The following SESN1 variants were observed in gnomAD, a reference collection of about 807,000 sequenced individuals.
SESN1 encodes the protein sestrin-1.
Under a neutral mutation model 59.3 loss-of-function variants are expected in SESN1, and 30 were observed. The ratio of observed to expected loss-of-function variants is 0.51; its 90% CI spans 0.38 to 0.69. The LOEUF is 0.69. Ranked by LOEUF, SESN1 falls within the 30% of genes least tolerant of loss-of-function variation. The pLI is 0.00. For synonymous variants in SESN1, 197 were observed against 219.9 expected (o/e 0.90, Z 0.92); for missense variants, 566 against 673.0 (o/e 0.84, Z 1.76).
chr6:108,993,831 C>T (rs1052559918), intron 6 of SESN1, among the ~76,000 whole-genome samples: 5 of 152,028 alleles, frequency 3.3e-5, no homozygotes, highest in Non-Finnish European at 4.4e-5. Flanking sequence ...CCTTCCACCT[C>T]AGCTTCTTGA....
At chr6:108,997,667 C>T (rs1424497008) in intron 5 of SESN1, among the ~76,000 whole-genome samples, 3 of 151,974 alleles carry the variant, frequency 2.0e-5, no homozygotes, top group East Asian at 1.9e-4. Flanking sequence ...GTAACTTGCC[C>T]GAAGTCAAAT....
intron 2 of SESN1, 133 bp from the exon 3 acceptor site, chr6:109,001,621 T>C (rs1398311076): frequency 1.3e-6 from 1 of 747,602 alleles, no homozygotes; most frequent in Non-Finnish European, 2.2e-6. Context: ...GGTTACAAAT[T>C]TAAACTCAAC....
intron 5 of SESN1, among the ~76,000 whole-genome samples, 195 bp from the exon 6 acceptor site, chr6:108,994,804 G>A (rs537872455): frequency 8.5e-4 from 124 of 146,704 alleles, no homozygotes; most frequent in Middle Eastern, 3.6e-3. Context: ...CCAGGTTCAC[G>A]CCATTCTCCT....
At chr6:109,023,062 A>C (rs1013074217) in intron 1 of SESN1, among the ~76,000 whole-genome samples, 3 of 152,122 alleles carry the variant, frequency 2.0e-5, no homozygotes, top group Non-Finnish European at 4.4e-5. Flanking sequence ...TGACCACCCA[A>C]ATCAGTAGAA....
chr6:109,033,709 T>C (rs1219491011), intron 1 of SESN1, among the ~76,000 whole-genome samples: 1 of 152,168 alleles, frequency 6.6e-6, no homozygotes, highest in Non-Finnish European at 1.5e-5. Flanking sequence ...CAAAATTTGA[T>C]AATATGAAAA....
intron 1 of SESN1, among the ~76,000 whole-genome samples, chr6:109,014,487 T>C (rs2114355880): frequency 6.6e-6 from 1 of 152,326 alleles, no homozygotes; most frequent in South Asian, 2.1e-4. Context: ...CTATATGAGG[T>C]TGCTGCATTT....
chr6:109,012,677 T>C (rs1341540089), intron 1 of SESN1, among the ~76,000 whole-genome samples: 2 of 151,952 alleles, frequency 1.3e-5, no homozygotes, highest in Admixed American at 6.6e-5. Context: ...TTTGGGAGAA[T>C]AGACACAGAG....
At position 108,996,636 on chromosome 6, in the gene SESN1, T is replaced by TA. The variant is rs915798824; in HGVS notation, c.972+1876dup. On this transcript the variant is annotated intron_variant, in intron 5 of 9. Transcript: ENST00000436639. ...TTCACTGATCTGCTAAAGTTGGGAT[T>TA]AAAAAAAAAATGGCATTTCATTTTA... 2.7e-4 allele frequency among the ~76,000 whole-genome samples: 40 copies of TA among 149,336 alleles called. No homozygotes were observed. In the South Asian group the frequency reaches 6.6e-3, roughly 25 times the overall value.
At chr6:109,014,519 T>C (rs1779903137) in intron 1 of SESN1, among the ~76,000 whole-genome samples, 1 of 152,222 alleles carries the variant, frequency 6.6e-6, no homozygotes, top group African/African-American at 2.4e-5. Flanking sequence ...ATTTACAATT[T>C]TGATAACTGT....
chr6:109,045,480 C>G (rs12525191), intron 1 of SESN1, among the ~76,000 whole-genome samples: 4,083 of 152,318 alleles, frequency 0.027, 92 homozygotes, highest in South Asian at 0.12. Context: ...CAGATTGCAT[C>G]TCTGCCTATG....
At chr6:109,069,659 A>G (rs1268546364) in intron 1 of SESN1, among the ~76,000 whole-genome samples, 2 of 152,056 alleles carry the variant, frequency 1.3e-5, no homozygotes, top group Admixed American at 1.3e-4. Context: ...CTCCCACCTC[A>G]GCATCCCAAG....
chr6:108,989,891 A>G (rs922009666), intron 8 of SESN1, among the ~76,000 whole-genome samples: 3 of 152,184 alleles, frequency 2.0e-5, no homozygotes, highest in African/African-American at 7.2e-5. Flanking sequence ...GGTCTTGCAA[A>G]GCTGGTTCTA....
chr6:109,081,158 T>G (rs1247784509), intron 1 of SESN1, among the ~76,000 whole-genome samples: 1 of 152,162 alleles, frequency 6.6e-6, no homozygotes, highest in Non-Finnish European at 1.5e-5. Flanking sequence ...CTTGACTTAC[T>G]GCAGCCTTGA....
At position 109,022,411 on chromosome 6, in the gene SESN1, CTTTTTTTTTTTTTTTTT is replaced by C. The variant is rs779366759; in HGVS notation, c.280-20085_280-20069del. On this transcript the variant is annotated intron_variant, in intron 1 of 9. Coordinates refer to ENST00000436639, the MANE Select transcript of SESN1 (RefSeq NM_014454.3). ...GTATGCATCAGGCATTGTTCTAAAG[CTTTTTTTTTTTTTTTTT>C]TTTTTTTTTTTTGAGATGGAATCTC... 1.7e-3 allele frequency among the ~76,000 whole-genome samples: 113 copies of C among 65,880 alleles called. 1 individual carries two copies. The highest frequency in any genetic ancestry group is 5.9e-3 in the African/African-American group (90 of 15,166). The allele number at this position is 65,880 out of a possible 152,430, so 43.2% of individuals were successfully genotyped here. A position where few individuals can be genotyped will look rare whatever the true frequency, so the allele number is the denominator to read the frequency against.
At chr6:109,059,708 A>C (rs1780699350) in intron 1 of SESN1, 1 of 152,214 alleles carries the variant, frequency 6.6e-6, no homozygotes, top group South Asian at 2.1e-4. Context: ...ATATTCATGC[A>C]TATTTTTGCT....
At chr6:108,999,050 G>A in intron 4 of SESN1, 1 of 213,204 alleles carries the variant, frequency 4.7e-6, no homozygotes, top group Non-Finnish European at 9.4e-6. Flanking sequence ...TTCAGATGCT[G>A]GATTATGAAT....
At chr6:109,073,079 A>C (rs1165534224) in intron 1 of SESN1, among the ~76,000 whole-genome samples, 1 of 152,172 alleles carries the variant, frequency 6.6e-6, no homozygotes, top group African/African-American at 2.4e-5. Flanking sequence ...TCTGGAGACC[A>C]AATGTCTGAG....
chr6:109,057,860 G>T (rs1780662245), intron 1 of SESN1, among the ~76,000 whole-genome samples: 1 of 152,090 alleles, frequency 6.6e-6, no homozygotes, highest in Non-Finnish European at 1.5e-5. Context: ...ATAATCCATA[G>T]GAAAATGAGT....
chr6:109,018,503 A>G (rs1779960275), intron 1 of SESN1, among the ~76,000 whole-genome samples: 1 of 152,202 alleles, frequency 6.6e-6, no homozygotes, highest in African/African-American at 2.4e-5. Flanking sequence ...ATGCCAGGAG[A>G]GGCTCAGGCA....
Sources: allele counts gnomAD v4.1 joint callset (sites outside exome capture counted in the v4.1 genomes callset), GRCh38; gene constraint gnomAD v4.1.1; transcripts MANE v1.5; gene names NCBI Gene and HGNC (gene_info 2026-07-23, HGNC 2026-07-21).